SLC22A24: variants seen among roughly 807,000 people sequenced by gnomAD.
SLC22A24 encodes the protein solute carrier family 22 member 24, also known as steroid transmembrane transporter SLC22A24.
A neutral mutation model predicts 49.8 loss-of-function variants in SLC22A24; 53 were observed. The observed-to-expected ratio is 1.06, with a 90% CI of 0.85 to 1.34. The LOEUF (loss-of-function observed/expected upper bound fraction) is 1.34, where lower values mean the gene tolerates loss of function less well. Ranked by LOEUF, SLC22A24 falls within the 40% of genes most tolerant of loss-of-function variation. SLC22A24 has a pLI of 0.00. For missense variants in SLC22A24, 786 were observed against 675.9 expected (o/e 1.16, Z -1.81); for synonymous variants, 302 against 256.4 (o/e 1.18, Z -1.70).
intron 2 of SLC22A24, among the ~76,000 whole-genome samples, chr11:63,130,726 T>C (rs1042439198): frequency 4.6e-5 from 7 of 152,204 alleles, no homozygotes; most frequent in African/African-American, 1.7e-4. Flanking sequence ...TCCAGGAATT[T>C]ATCAATTTCT....
intron 6 of SLC22A24, among the ~76,000 whole-genome samples, chr11:63,087,062 GGAGAGAGAGA>G (rs139630125): frequency 1.5e-5 from 2 of 136,976 alleles, no homozygotes; most frequent in East Asian, 2.2e-4. Context: ...ACACACAGAG[GGAGAGAGAGA>G]GAGAGAGAGA....
chr11:63,089,904 AC>A (rs1218096745), intron 6 of SLC22A24, among the ~76,000 whole-genome samples: 1 of 151,690 alleles, frequency 6.6e-6, no homozygotes, highest in Non-Finnish European at 1.5e-5. Context: ...ACACGGTGAA[AC>A]CCCGTCTCTA....
chr11:63,094,044 G>A (rs61929177), intron 6 of SLC22A24, among the ~76,000 whole-genome samples: 159 of 151,438 alleles, frequency 1.0e-3, no homozygotes, highest in Non-Finnish European at 2.2e-3. Context: ...ACAATGTGCA[G>A]GTTTGTTACA....
Position 63,130,935 on chromosome 11 carries a change from T to A in SLC22A24, c.506+3730A>T, listed in dbSNP as rs187045879. The stretch of plus-strand genomic sequence containing the variant: ...AGTCTTTTTGTAGGTCTTTAAGAAC[T>A]TGCTTTATGAATCTGGGTGGTCCTG... On this transcript the variant is annotated intron_variant, in intron 2 of 9. Transcript: ENST00000612278. Among the ~76,000 whole-genome samples the A allele has an allele frequency of 1.4e-3, 211 of 152,274 alleles. 1 individual carries two copies. The highest frequency in any genetic ancestry group is 0.014 in the Middle Eastern group (4 of 294).
At chr11:63,136,535 C>A (rs1445328713) in intron 1 of SLC22A24, among the ~76,000 whole-genome samples, 2 of 152,206 alleles carry the variant, frequency 1.3e-5, no homozygotes, top group Non-Finnish European at 2.9e-5. Flanking sequence ...CCAACTGACT[C>A]CCACTTCTTC....
At chr11:63,083,771 A>G (rs1225266837) in intron 6 of SLC22A24, among the ~76,000 whole-genome samples, 3 of 152,232 alleles carry the variant, frequency 2.0e-5, no homozygotes, top group Non-Finnish European at 2.9e-5. Flanking sequence ...AAACCTACCC[A>G]TGTAGAAAAA....
At chr11:63,092,220 G>A (rs1274910892) in intron 6 of SLC22A24, among the ~76,000 whole-genome samples, 1 of 151,632 alleles carries the variant, frequency 6.6e-6, no homozygotes, top group Non-Finnish European at 1.5e-5. Context: ...TCTTCAAGAA[G>A]AACTACATAC....
At chr11:63,134,578 C>T (rs1299760043) in intron 2 of SLC22A24, 87 bp downstream of exon 2, 7 of 778,404 alleles carry the variant, frequency 9.0e-6, no homozygotes, top group South Asian at 6.7e-5. Flanking sequence ...GCAAAGTATA[C>T]AGTAAGAGCT....
At chr11:63,080,073 T>C (rs763652824) in intron 9 of SLC22A24, 73 bp from the exon 10 acceptor site, 5 of 1,004,198 alleles carry the variant, frequency 5.0e-6, no homozygotes, top group Non-Finnish European at 7.6e-6. Flanking sequence ...TAAGCATATA[T>C]ATACTGTGTG....
intron 5 of SLC22A24, among the ~76,000 whole-genome samples, chr11:63,100,773 G>T (rs950217640): frequency 5.9e-5 from 9 of 152,110 alleles, no homozygotes; most frequent in African/African-American, 1.9e-4. Flanking sequence ...ACTGATTTTT[G>T]ACAAAGGTAC....
At chr11:63,096,454 A>G (rs773416527) in intron 5 of SLC22A24, among the ~76,000 whole-genome samples, 17 of 152,170 alleles carry the variant, frequency 1.1e-4, no homozygotes, top group Non-Finnish European at 5.9e-5. Context: ...GGCATGAAAT[A>G]CTTGTCCTTC....
chr11:63,088,535 C>A (rs538166686), intron 6 of SLC22A24, among the ~76,000 whole-genome samples: 1 of 152,116 alleles, frequency 6.6e-6, no homozygotes, highest in Non-Finnish European at 1.5e-5. Flanking sequence ...CTCCAATGAT[C>A]CCAACTCCTC....
chr11:63,109,737 C>T (rs2087148579), intron 4 of SLC22A24, among the ~76,000 whole-genome samples: 1 of 152,134 alleles, frequency 6.6e-6, no homozygotes, highest in Non-Finnish European at 1.5e-5. Flanking sequence ...ATTGTAGATT[C>T]TGGATATTAG....
chr11:63,127,995 G>T (rs1216003083), intron 2 of SLC22A24, among the ~76,000 whole-genome samples: 2 of 148,372 alleles, frequency 1.3e-5, no homozygotes, highest in African/African-American at 4.9e-5. Flanking sequence ...AGCCACCCAG[G>T]CACCGACGCA....
intron 2 of SLC22A24, among the ~76,000 whole-genome samples, 184 bp downstream of exon 2, chr11:63,134,480 AC>A (rs1162476482): frequency 6.6e-6 from 1 of 152,134 alleles, no homozygotes; most frequent in Non-Finnish European, 1.5e-5. Flanking sequence ...GACTTTTAAT[AC>A]CCAACTATCA....
At chr11:63,136,003 T>C (rs1206259480) in intron 1 of SLC22A24, among the ~76,000 whole-genome samples, 3 of 152,188 alleles carry the variant, frequency 2.0e-5, no homozygotes, top group Non-Finnish European at 2.9e-5. Flanking sequence ...TCTACAGTCA[T>C]TTGGCATTTG....
chr11:63,093,985 TA>T (rs34652388), intron 6 of SLC22A24, among the ~76,000 whole-genome samples: 5 of 151,302 alleles, frequency 3.3e-5, no homozygotes, highest in African/African-American at 1.2e-4. Context: ...TTCCTGTATT[TA>T]AAAAAAAATT....
chr11:63,104,514 G>A (rs2087108933), intron 4 of SLC22A24, among the ~76,000 whole-genome samples: 1 of 152,104 alleles, frequency 6.6e-6, no homozygotes, highest in African/African-American at 2.4e-5. Flanking sequence ...AGAACCATGA[G>A]TGTGTTAGTC....
chr11:63,115,970 G>T (rs527688797), intron 4 of SLC22A24: 39 of 321,692 alleles, frequency 1.2e-4, no homozygotes, highest in Non-Finnish European at 1.4e-4. Flanking sequence ...TTTGACCCTT[G>T]GCCTTTGGCT....
Sources: gnomAD v4.1 joint callset for allele counts (sites outside exome capture counted in the v4.1 genomes callset) on GRCh38, gnomAD v4.1.1 for gene constraint, MANE v1.5 for transcripts, NCBI Gene and HGNC (gene_info 2026-07-23, HGNC 2026-07-21) for gene names.